The following CTSZ variants were observed in gnomAD, a reference collection of about 807,000 sequenced individuals.
The protein encoded by CTSZ is carboxypeptidase LB.
A neutral mutation model predicts 32.4 loss-of-function variants in CTSZ; 39 were observed. The observed-to-expected ratio is 1.20, with a 90% CI of 0.93 to 1.57. The LOEUF (loss-of-function observed/expected upper bound fraction) is 1.57, where lower values mean the gene tolerates loss of function less well. CTSZ is among the 40% of genes most tolerant of loss of function. The pLI is 0.00. For synonymous variants in CTSZ, 168 were observed against 170.1 expected, an observed-to-expected ratio of 0.99 and a Z score of 0.10; for missense variants, 397 against 419.6, an observed-to-expected ratio of 0.95 and a Z score of 0.47.
chr20:58,996,569 C>A, intron 5 of CTSZ, 70 bp downstream of exon 5: 1 of 1,516,086 alleles, frequency 6.6e-7, no homozygotes, highest in Non-Finnish European at 9.1e-7. Context: ...GTAAACAGAA[C>A]CATTCAAGCG....
Position 59,004,554 on chromosome 20 carries a change from G to A in CTSZ, c.307+1768C>T, listed in dbSNP as rs1446968816. ...TCCAGATACTTCCCTAGGGAGCCCA[G>A]AATTGGGGCGGGGTGGGGCCGGGGG... On this transcript the variant is annotated intron_variant, in intron 2 of 5. Transcript: ENST00000217131. This position sits in a 1 kb window ranked among gnomAD's most constrained non-coding sequence, Gnocchi z 5.6. Among the ~76,000 whole-genome samples, 1 of 151,976 alleles carries A rather than the reference G, an allele frequency of 6.6e-6. No individual in the cohort carries two copies. Among genetic ancestry groups the A allele is most frequent in the Non-Finnish European group, 1.5e-5 (1 of 67,966 alleles).
chr20:59,001,328 C>A (rs1413995312), intron 3 of CTSZ, 137 bp downstream of exon 3: 2 of 1,025,300 alleles, frequency 2.0e-6, no homozygotes, highest in East Asian at 2.7e-5. Flanking sequence ...GGGGCTGCAA[C>A]CTCTGCCCTC....
chr20:59,001,700 G>A (rs563802568), intron 2 of CTSZ, 56 bp from the exon 3 acceptor site: 22 of 1,569,280 alleles, frequency 1.4e-5, no homozygotes, highest in African/African-American at 4.0e-5. Flanking sequence ...CCACTTCCCC[G>A]AACGGACCTG....
rs773614700 is a variant in CTSZ, at chr20:58,996,628, A to G, written c.801+11T>C. 5.6e-6 allele frequency: 9 copies of G among 1,613,850 alleles called. No individual in the cohort carries two copies. The highest frequency in any genetic ancestry group is 2.2e-5 in the South Asian group (2 of 91,088). On this transcript the variant is annotated intron_variant, in intron 5 of 5. Coordinates refer to ENST00000217131, the MANE Select transcript of CTSZ (RefSeq NM_001336.4). ...TCTAGGAATGACCTTAAGAAAATGA[A>G]AACATCTTACCCATGGTTCACCCCA...
At position 59,006,471 on chromosome 20, in the gene CTSZ, G is replaced by A; in HGVS notation, c.158C>T (p.Pro53Leu). 2 of 1,613,174 alleles carry A rather than the reference G, an allele frequency of 1.2e-6. No individual in the cohort carries two copies. The highest frequency in any genetic ancestry group is 1.1e-5 in the South Asian group (1 of 91,076). ...APLGRSTYPR[P>L]HEYLSPADLP... Reference sequence around the variant, plus strand: ...ATCCGCTGGGGACAGGTACTCATGAGGCCGGGGGTATGTGCTGAGAAGAGA... The same window carrying A: ...ATCCGCTGGGGACAGGTACTCATGAAGCCGGGGGTATGTGCTGAGAAGAGA... The change falls in exon 2 of 6, where the codon CCT becomes CTT. Residue 53 changes from proline to leucine, a missense_variant. Physicochemically the swap from Pro to Leu is moderately conservative, Grantham distance 98. Transcript: ENST00000217131.
At chr20:59,003,449 T>C (rs1024624170) in intron 2 of CTSZ, among the ~76,000 whole-genome samples, 1 of 152,170 alleles carries the variant, frequency 6.6e-6, no homozygotes, top group Non-Finnish European at 1.5e-5. Context: ...CTGAATACGT[T>C]TAATGCAGAC....
chr20:59,006,274 C>T, intron 2 of CTSZ, 48 bp downstream of exon 2: 1 of 1,534,198 alleles, frequency 6.5e-7, no homozygotes, highest in South Asian at 1.2e-5. Context: ...TATAAACAGG[C>T]AGCCGGGATG....
At position 59,005,600 on chromosome 20, in the gene CTSZ, G is replaced by A. The variant is rs373450223; in HGVS notation, c.307+722C>T. 9.2e-5 allele frequency among the ~76,000 whole-genome samples: 14 copies of A among 152,318 alleles called. No homozygotes were observed. The South Asian group carries it at 1.2e-3, about 14-fold the overall frequency. On this transcript the variant is annotated intron_variant, in intron 2 of 5. Transcript: ENST00000217131. ...AGGGAAGAGGCAACAGCACCACAGT[G>A]CTCATGGGCCAAACTCCCAGGCCAC...
chr20:59,001,809 G>A (rs2091891034), intron 2 of CTSZ, among the ~76,000 whole-genome samples, 165 bp from the exon 3 acceptor site: 1 of 152,220 alleles, frequency 6.6e-6, no homozygotes. Flanking sequence ...CTTCATGGAG[G>A]TCTCCGCTCA....
At chr20:58,996,564 C>G in intron 5 of CTSZ, 75 bp downstream of exon 5, 6 of 1,505,738 alleles carry the variant, frequency 4.0e-6, no homozygotes, top group Non-Finnish European at 5.5e-6. Flanking sequence ...TAAACGTAAA[C>G]AGAACCATTC....
intron 3 of CTSZ, among the ~76,000 whole-genome samples, chr20:59,000,493 T>C (rs2091884258): frequency 6.6e-6 from 1 of 152,234 alleles, no homozygotes; most frequent in South Asian, 2.1e-4. Context: ...GCTCTAGGGA[T>C]TCCAGGCTAG....
At chr20:59,000,182 A>G (rs1162624145) in intron 3 of CTSZ, among the ~76,000 whole-genome samples, 2 of 152,094 alleles carry the variant, frequency 1.3e-5, no homozygotes, top group Non-Finnish European at 2.9e-5. Context: ...GTTTAAGACC[A>G]GCCTGAACAA....
chr20:59,003,929 T>G (rs6092718), intron 2 of CTSZ, among the ~76,000 whole-genome samples: 1,678 of 152,306 alleles, frequency 0.011, 27 homozygotes, highest in African/African-American at 0.039. Context: ...CACTGTGGCC[T>G]CAGGGGCAGA....
At position 59,001,542 on chromosome 20, in the gene CTSZ, T is replaced by G. The variant is rs1378014002; in HGVS notation, c.410A>C (p.Asp137Ala). Residue 137 changes from aspartate to alanine, a missense_variant, in exon 3 of 6, where the codon GAC (aspartate) becomes GCC (alanine). By Grantham distance (126) the Asp-to-Ala change is moderately radical. Coordinates refer to ENST00000217131, the MANE Select transcript of CTSZ (RefSeq NM_001336.4). ...GTGGGCGTAGTCCCACACGGACAGGTCATTACCCCCTTCACAGGAGCCAGC... is the reference window on the plus strand; with the variant it reads ...GTGGGCGTAGTCCCACACGGACAGGGCATTACCCCCTTCACAGGAGCCAGC... ...GNAGSCEGGN[D>A]LSVWDYAHQH... is the part of the protein sequence containing the mutation. The G allele has an allele frequency of 6.2e-6, 10 of 1,613,986 alleles. No individual in the cohort carries two copies. Among genetic ancestry groups the G allele is most frequent in the Non-Finnish European group, 3.4e-6 (4 of 1,179,994 alleles).
In CTSZ at chr20:59,004,702, T is replaced by C. The variant is rs2091902371; in HGVS notation, c.307+1620A>G. Among the ~76,000 whole-genome samples the C allele has an allele frequency of 6.6e-6, 1 of 152,034 alleles. No individual in the cohort carries two copies. On this transcript the variant is annotated intron_variant, in intron 2 of 5. Coordinates refer to ENST00000217131, the MANE Select transcript of CTSZ (RefSeq NM_001336.4). The surrounding 1 kb of genome is among the most constrained non-coding windows in gnomAD (Gnocchi z 5.6). Reference sequence around the variant, plus strand: ...AAGACAAATGGAGGACCTGCTGCCTTGGCTGGCAAATGGCCAGGGCCCCGT... The same window carrying C: ...AAGACAAATGGAGGACCTGCTGCCTCGGCTGGCAAATGGCCAGGGCCCCGT...
Position 59,002,897 on chromosome 20 carries a change from A to T in CTSZ, c.308-1253T>A, listed in dbSNP as rs2091895476. Among the ~76,000 whole-genome samples the T allele has an allele frequency of 6.6e-6, 1 of 151,874 alleles. No homozygotes were observed. The highest frequency in any genetic ancestry group is 2.1e-4 in the South Asian group (1 of 4,806). The stretch of plus-strand genomic sequence containing the variant: ...TGTCAGCTATGCCCCCTCTAAGCAG[A>T]TCTGCACACCCCAAACTTGCCTTTC... On this transcript the variant is annotated intron_variant, in intron 2 of 5. Transcript: ENST00000217131. The surrounding 1 kb of genome is among the most constrained non-coding windows in gnomAD (Gnocchi z 4.1).
At chr20:58,996,540 C>T in intron 5 of CTSZ, 99 bp downstream of exon 5, 1 of 1,314,008 alleles carries the variant, frequency 7.6e-7, no homozygotes, top group Non-Finnish European at 1.1e-6. Context: ...TCTGTCAAGG[C>T]CCCAGTTTTT....
rs761643208 is a variant in CTSZ at position 59,006,495 on chromosome 20, G to C, written c.144-10C>G. ...AGGCCGGGGGTATGTGCTGAGAAGA[G>C]ATCATCCCCACCCAGATCGGTGCTG... On this transcript the variant is annotated splice_polypyrimidine_tract_variant and intron_variant, in intron 1 of 5. Coordinates refer to ENST00000217131, the MANE Select transcript of CTSZ (RefSeq NM_001336.4). The C allele has an allele frequency of 6.2e-7, 1 of 1,607,954 alleles. No homozygotes were observed. The highest frequency in any genetic ancestry group is 8.5e-7 in the Non-Finnish European group (1 of 1,177,946).
At position 58,996,662 on chromosome 20, in the gene CTSZ, G is replaced by A. The variant is rs759602283; in HGVS notation, c.778C>T (p.Arg260Trp). The change falls in exon 5 of 6, where the codon CGG becomes TGG. Residue 260 changes from arginine to tryptophan, a missense_variant. Arg to Trp is a moderately radical substitution (Grantham distance 101, BLOSUM62 -3). Coordinates refer to ENST00000217131, the MANE Select transcript of CTSZ (RefSeq NM_001336.4). ...ISDGTEYWIV[R>W]NSWGEPWGER... ...ACCCATGGTTCACCCCATGAATTCC[G>A]GACAATCCAGTACTCAGTCCCATCA... 3.7e-5 allele frequency: 59 copies of A among 1,613,908 alleles called. No individual in the cohort carries two copies. Among genetic ancestry groups the A allele is most frequent in the South Asian group, 1.6e-4 (15 of 91,076 alleles).
Sources: gnomAD v4.1 joint callset for allele counts (sites outside exome capture counted in the v4.1 genomes callset) on GRCh38, gnomAD v4.1.1 for gene constraint, Gnocchi (gnomAD v3.1) non-coding constraint, MANE v1.5 for transcripts, NCBI Gene and HGNC (gene_info 2026-07-23, HGNC 2026-07-21) for gene names.